TTBK2: variants seen among roughly 807,000 people sequenced by gnomAD.
TTBK2 encodes the protein tau tubulin kinase 2.
Under a neutral mutation model 110.8 loss-of-function variants are expected in TTBK2, and 28 were observed. The observed-to-expected ratio is 0.25, with a 90% CI of 0.19 to 0.35. The LOEUF (loss-of-function observed/expected upper bound fraction) is 0.35, where lower values mean the gene tolerates loss of function less well. Among genes scored for constraint, TTBK2 ranks in the 10% least tolerant of loss-of-function variants. The pLI, the probability that TTBK2 is intolerant of heterozygous loss-of-function variation, is 1.00. For synonymous variants in TTBK2, 532 were observed against 527.3 expected, an observed-to-expected ratio of 1.01 and a Z score of -0.12; for missense variants, 1,369 against 1,500.3, an observed-to-expected ratio of 0.91 and a Z score of 1.45.
In TTBK2 at chr15:42,746,172, G is replaced by A; in HGVS notation, c.3358C>T (p.Gln1120Ter). 6.2e-7 allele frequency: 1 copy of A among 1,614,170 alleles called. No individual in the cohort carries two copies. Among genetic ancestry groups the A allele is most frequent in the Non-Finnish European group, 8.5e-7 (1 of 1,180,026 alleles). The change falls in exon 15 of 15, where the codon CAG (glutamine) becomes TAG (stop). Residue 1120 changes from glutamine to a stop codon, truncating the protein, a stop_gained. Coordinates refer to ENST00000267890, the MANE Select transcript of TTBK2 (RefSeq NM_173500.4). LOFTEE classifies it high-confidence loss of function. ...RLAQILQNGS[Q>*]KPRSTTQCKS... ...CACTGAGTAGTGCTCCGGGGTTTCT[G>A]AGATCCATTTTGAAGAATTTGGGCC...
chr15:42,899,362 G>A (rs904771523), intron 1 of TTBK2, among the ~76,000 whole-genome samples: 4 of 152,026 alleles, frequency 2.6e-5, no homozygotes, highest in African/African-American at 4.8e-5. Flanking sequence ...TTTGGAAACC[G>A]GGGTAGGCGG....
chr15:42,852,052 G>A (rs954237958), intron 3 of TTBK2, among the ~76,000 whole-genome samples: 8 of 151,236 alleles, frequency 5.3e-5, no homozygotes, highest in Admixed American at 1.3e-4. Flanking sequence ...TAGATGTCCC[G>A]ACACATAAGA....
intron 1 of TTBK2, among the ~76,000 whole-genome samples, chr15:42,881,702 T>C (rs1199031906): frequency 2.0e-5 from 3 of 151,926 alleles, no homozygotes; most frequent in African/African-American, 7.3e-5. Flanking sequence ...TGAAACCCCA[T>C]CTCTACTAAA....
At chr15:42,832,219 G>GT (rs931796489) in intron 4 of TTBK2, among the ~76,000 whole-genome samples, 3 of 152,052 alleles carry the variant, frequency 2.0e-5, no homozygotes, top group Non-Finnish European at 2.9e-5. Flanking sequence ...CATTCCAATA[G>GT]TTTTTTCTTC....
chr15:42,802,495 T>C (rs771047188), intron 9 of TTBK2: 3 of 544,520 alleles, frequency 5.5e-6, no homozygotes, highest in Non-Finnish European at 1.0e-5. Context: ...ACTTCTCTGC[T>C]CTTCTTGGGG....
intron 9 of TTBK2, chr15:42,800,954 G>A (rs766583847): frequency 5.4e-6 from 4 of 741,086 alleles, no homozygotes; most frequent in African/African-American, 3.4e-5. Context: ...GGACAGGCTG[G>A]GAGGGGCTTC....
intron 13 of TTBK2, among the ~76,000 whole-genome samples, chr15:42,769,025 TAATA>T (rs1889529838): frequency 2.0e-5 from 3 of 152,190 alleles, no homozygotes; most frequent in Admixed American, 2.0e-4. Flanking sequence ...ATTCCCTATT[TAATA>T]AATGGTGCTG....
chr15:42,894,985 G>T (rs1397390604), intron 1 of TTBK2, among the ~76,000 whole-genome samples: 3 of 152,082 alleles, frequency 2.0e-5, no homozygotes, highest in Non-Finnish European at 2.9e-5. Flanking sequence ...ATTTGATACA[G>T]GAGAAGCATT....
At chr15:42,772,339 A>G (rs1048120590) in intron 13 of TTBK2, among the ~76,000 whole-genome samples, 1 of 152,160 alleles carries the variant, frequency 6.6e-6, no homozygotes, top group Non-Finnish European at 1.5e-5. Flanking sequence ...AACAGCCAGT[A>G]AGGAACTGAG....
At chr15:42,872,500 C>T (rs1327583648) in intron 3 of TTBK2, 111 bp downstream of exon 3, 3 of 1,288,454 alleles carry the variant, frequency 2.3e-6, no homozygotes, top group African/African-American at 3.0e-5. Context: ...ACCCGGCTGA[C>T]ACCAGTACAT....
chr15:42,777,369 G>A, intron 11 of TTBK2, 127 bp from the exon 12 acceptor site: 1 of 1,035,334 alleles, frequency 9.7e-7, no homozygotes, highest in Non-Finnish European at 1.4e-6. Flanking sequence ...AGGATATTTT[G>A]GCTAGTTTAC....
At chr15:42,751,880 G>A in intron 14 of TTBK2, 94 bp downstream of exon 14, 2 of 1,425,772 alleles carry the variant, frequency 1.4e-6, no homozygotes, top group Non-Finnish European at 2.0e-6. Context: ...ACTGAGAAGG[G>A]GGCAACACAG....
chr15:42,745,738 C>T lies in TTBK2; in HGVS notation c.*57G>A. On this transcript the variant is annotated 3_prime_UTR_variant, in exon 15 of 15. Coordinates refer to ENST00000267890, the MANE Select transcript of TTBK2 (RefSeq NM_173500.4). ...TTTACATAGAAAGTACAGGGACACA[C>T]ATGCATCAGGTTTAGGAGGAAGATC... is the stretch of plus-strand genomic sequence containing the variant. 3.8e-6 allele frequency: 6 copies of T among 1,586,528 alleles called. No individual in the cohort carries two copies. Among genetic ancestry groups the T allele is most frequent in the Non-Finnish European group, 5.2e-6 (6 of 1,156,238 alleles).
intron 9 of TTBK2, among the ~76,000 whole-genome samples, chr15:42,804,645 G>C (rs1891380869): frequency 6.6e-6 from 1 of 152,106 alleles, no homozygotes; most frequent in Admixed American, 6.6e-5. Flanking sequence ...GCATATAGTT[G>C]AAATTATTCT....
chr15:42,885,788 C>A (rs1895219247), intron 1 of TTBK2, among the ~76,000 whole-genome samples: 4 of 152,126 alleles, frequency 2.6e-5, no homozygotes. Flanking sequence ...CAACCTTCCA[C>A]CCTCCATTCC....
rs368084096 is a variant in TTBK2 at position 42,801,717 on chromosome 15, G to A, written c.823-6916C>T. ...TCCGAGATCTGGGACTGCAGCTCCC[G>A]ATCTCCTCTTCATACAGCTGCCTGA... is the stretch of plus-strand genomic sequence containing the variant. On this transcript the variant is annotated intron_variant, in intron 9 of 14. Coordinates refer to ENST00000267890, the MANE Select transcript of TTBK2 (RefSeq NM_173500.4). 65 of 865,262 alleles carry A rather than the reference G, an allele frequency of 7.5e-5. 1 individual carries two copies. The East Asian group carries it at 9.6e-4, about 13-fold the overall frequency. The allele number at this position is 865,262 out of a possible 1,614,324, so 53.6% of individuals were successfully genotyped here. A position where few individuals can be genotyped will look rare whatever the true frequency, so the allele number is the denominator to read the frequency against.
intron 1 of TTBK2, among the ~76,000 whole-genome samples, chr15:42,900,005 T>G (rs1442685244): frequency 6.6e-6 from 1 of 151,916 alleles, no homozygotes; most frequent in African/African-American, 2.4e-5. Context: ...TTATTTTCTC[T>G]TTTTTCAGAT....
chr15:42,867,510 T>G (rs1346646190), intron 3 of TTBK2, among the ~76,000 whole-genome samples: 1 of 152,144 alleles, frequency 6.6e-6, no homozygotes, highest in Non-Finnish European at 1.5e-5. Context: ...AATAACCTGA[T>G]TTTAAAATGG....
intron 3 of TTBK2, among the ~76,000 whole-genome samples, chr15:42,847,727 T>A (rs534483662): frequency 1.3e-5 from 2 of 152,274 alleles, no homozygotes; most frequent in Non-Finnish European, 2.9e-5. Flanking sequence ...GCCTTCTTTG[T>A]GTGGGTCAGC....
Sources: gnomAD v4.1 joint callset for allele counts (sites outside exome capture counted in the v4.1 genomes callset) on GRCh38, gnomAD v4.1.1 for gene constraint, MANE v1.5 for transcripts, NCBI Gene and HGNC (gene_info 2026-07-23, HGNC 2026-07-21) for gene names.